NPAS3: variants seen among roughly 807,000 people sequenced by gnomAD.
NPAS3 encodes the protein neuronal PAS domain protein 3.
In NPAS3, 14 loss-of-function variants were observed where a neutral mutation model predicts 73.1. The observed-to-expected ratio is 0.19, with a 90% CI of 0.13 to 0.30. NPAS3 has a LOEUF of 0.30. Among genes scored for constraint, NPAS3 ranks in the 10% least tolerant of loss-of-function variants. The pLI is 1.00. For missense variants in NPAS3, 1,096 were observed against 1,250.0 expected (o/e 0.88, Z 1.86); for synonymous variants, 620 against 541.5 (o/e 1.14, Z -2.01).
intron 2 of NPAS3, among the ~76,000 whole-genome samples, chr14:33,172,298 G>A (rs1223731058): frequency 1.3e-5 from 2 of 152,186 alleles, no homozygotes; most frequent in African/African-American, 2.4e-5. Context: ...ACAGTGAAGC[G>A]AAATGCAGTA....
At chr14:33,346,823 C>T (rs1057506372) in intron 3 of NPAS3, among the ~76,000 whole-genome samples, 3 of 152,150 alleles carry the variant, frequency 2.0e-5, no homozygotes, top group African/African-American at 7.2e-5. Context: ...AGGAAATATC[C>T]TTACCTCATC....
chr14:33,548,535 G>A (rs1463337797), intron 4 of NPAS3, among the ~76,000 whole-genome samples: 1 of 152,144 alleles, frequency 6.6e-6, no homozygotes, highest in Non-Finnish European at 1.5e-5. Flanking sequence ...TAGATTATTG[G>A]TACAGCAAAT....
chr14:33,349,065 G>A (rs12433171), intron 3 of NPAS3, among the ~76,000 whole-genome samples: 65,206 of 151,976 alleles, frequency 0.43, 14,554 homozygotes, highest in African/African-American at 0.53. Context: ...TCATGGGGGA[G>A]TTCTGTTGAG....
intron 1 of NPAS3, among the ~76,000 whole-genome samples, chr14:32,941,289 C>G (rs1337325838): frequency 7.4e-5 from 3 of 40,686 alleles, no homozygotes; most frequent in African/African-American, 3.4e-4. Flanking sequence ...CCCTCCCTCC[C>G]TCCCTCCCTC....
At chr14:33,286,683 A>G (rs535022131) in intron 3 of NPAS3, among the ~76,000 whole-genome samples, 1 of 152,004 alleles carries the variant, frequency 6.6e-6, no homozygotes, top group Non-Finnish European at 1.5e-5. Flanking sequence ...TTTTTAAATC[A>G]AAAGTTGGCT....
intron 3 of NPAS3, among the ~76,000 whole-genome samples, chr14:33,269,500 G>A (rs201926540): frequency 5.4e-4 from 82 of 152,294 alleles, no homozygotes; most frequent in East Asian, 2.3e-3. Flanking sequence ...TAGGCATTTA[G>A]ATAAGGAAAT....
chr14:33,194,303 C>T (rs897741697), intron 2 of NPAS3, among the ~76,000 whole-genome samples: 1 of 152,104 alleles, frequency 6.6e-6, no homozygotes, highest in Non-Finnish European at 1.5e-5. Flanking sequence ...AAGGTGCTTC[C>T]TTTTCTTTTG....
chr14:33,251,705 A>G (rs974894237), intron 3 of NPAS3, among the ~76,000 whole-genome samples: 8 of 152,134 alleles, frequency 5.3e-5, no homozygotes, highest in African/African-American at 1.7e-4. Context: ...ATAATTCAAC[A>G]AATAGCCTTA....
chr14:33,611,605 T>C (rs1330113301), intron 5 of NPAS3, among the ~76,000 whole-genome samples: 1 of 152,204 alleles, frequency 6.6e-6, no homozygotes, highest in African/African-American at 2.4e-5. Context: ...ATACCAGTTA[T>C]TCACTCACAG....
chr14:33,041,553 G>T (rs565790949), intron 1 of NPAS3, among the ~76,000 whole-genome samples: 21 of 152,224 alleles, frequency 1.4e-4, no homozygotes, highest in East Asian at 3.9e-4. Context: ...AAAATGGTGA[G>T]GTACCTGTGA....
At chr14:33,397,124 A>G (rs767978049) in intron 4 of NPAS3, among the ~76,000 whole-genome samples, 13 of 152,264 alleles carry the variant, frequency 8.5e-5, no homozygotes, top group South Asian at 2.1e-4. Flanking sequence ...ATCAATTGTA[A>G]TAATGACACC....
At chr14:33,632,664 G>T (rs2058412235) in intron 5 of NPAS3, among the ~76,000 whole-genome samples, 1 of 152,058 alleles carries the variant, frequency 6.6e-6, no homozygotes, top group Non-Finnish European at 1.5e-5. Flanking sequence ...TGCACAAGAG[G>T]TGCTGCTTTA....
chr14:33,291,356 G>T (rs533746554), intron 3 of NPAS3, among the ~76,000 whole-genome samples: 13 of 152,214 alleles, frequency 8.5e-5, no homozygotes, highest in Admixed American at 7.2e-4. Flanking sequence ...CTTCATGTAG[G>T]AATATCAGGT....
intron 4 of NPAS3, among the ~76,000 whole-genome samples, chr14:33,474,292 A>G (rs2050919005): frequency 6.6e-6 from 1 of 152,212 alleles, no homozygotes; most frequent in Admixed American, 6.5e-5. Context: ...AAGTTTGACC[A>G]TAAATATGTG....
At chr14:33,150,236 A>G (rs1000165836) in intron 2 of NPAS3, among the ~76,000 whole-genome samples, 2 of 152,210 alleles carry the variant, frequency 1.3e-5, no homozygotes, top group African/African-American at 4.8e-5. Flanking sequence ...CCCCTCAGGC[A>G]GAATTTTCTC....
chr14:33,160,641 T>TA (rs563075717), intron 2 of NPAS3, among the ~76,000 whole-genome samples: 3,330 of 140,990 alleles, frequency 0.024, 93 homozygotes, highest in African/African-American at 0.079. Flanking sequence ...AAAGTATAAT[T>TA]AAAAAAAAAA....
chr14:33,320,034 G>A (rs921661281), intron 3 of NPAS3, among the ~76,000 whole-genome samples: 1 of 152,126 alleles, frequency 6.6e-6, no homozygotes, highest in African/African-American at 2.4e-5. Context: ...CCTTCCCAGT[G>A]TTCCTGGTCA....
At chr14:33,289,770 C>T (rs186785475) in intron 3 of NPAS3, among the ~76,000 whole-genome samples, 158 of 151,162 alleles carry the variant, frequency 1.0e-3, no homozygotes, top group African/African-American at 3.0e-3. Flanking sequence ...TACGTTGAGC[C>T]GAGATTGCAC....
intron 4 of NPAS3, among the ~76,000 whole-genome samples, chr14:33,485,767 A>C (rs2051556927): frequency 6.6e-6 from 1 of 152,156 alleles, no homozygotes; most frequent in Non-Finnish European, 1.5e-5. Context: ...AATTTTTTTC[A>C]CAAGATCTCC....
Sources: allele counts gnomAD v4.1 joint callset (sites outside exome capture counted in the v4.1 genomes callset), GRCh38; gene constraint gnomAD v4.1.1; transcripts MANE v1.5; gene names NCBI Gene and HGNC (gene_info 2026-07-23, HGNC 2026-07-21).